Variants in DISC1 observed in about 807,000 individuals in gnomAD.
DISC1 encodes the protein DISC1 scaffold protein, also known as disrupted in schizophrenia 1 protein.
Under a neutral mutation model 84.5 loss-of-function variants are expected in DISC1, and 57 were observed. That is an observed-to-expected ratio of 0.67 (90% CI 0.55 to 0.84). DISC1 has a LOEUF of 0.84. Ranked by LOEUF, DISC1 falls within the 40% of genes least tolerant of loss-of-function variation. DISC1 has a pLI of 0.00. For synonymous variants in DISC1, 411 were observed against 415.2 expected (o/e 0.99, Z 0.12); for missense variants, 1,000 against 1,057.8 (o/e 0.95, Z 0.76).
intron 3 of DISC1, among the ~76,000 whole-genome samples, chr1:231,741,923 C>G (rs558547272): frequency 6.6e-6 from 1 of 152,164 alleles, no homozygotes; most frequent in Non-Finnish European, 1.5e-5. Context: ...CATCAATGAC[C>G]CTGTGACTGG....
At chr1:231,846,668 C>A (rs2083469448) in intron 9 of DISC1, among the ~76,000 whole-genome samples, 2 of 152,176 alleles carry the variant, frequency 1.3e-5, no homozygotes, top group Non-Finnish European at 2.9e-5. Flanking sequence ...AAAGACAGTG[C>A]ATCTTAGAAT....
intron 9 of DISC1, chr1:231,819,238 A>C: frequency 1.3e-6 from 1 of 754,064 alleles, no homozygotes; most frequent in Non-Finnish European, 1.6e-6. Context: ...ATAAATGGCT[A>C]TATTTTACAA....
At chr1:231,783,149 T>C (rs1226820221) in intron 6 of DISC1, among the ~76,000 whole-genome samples, 2 of 152,116 alleles carry the variant, frequency 1.3e-5, no homozygotes, top group Non-Finnish European at 1.5e-5. Flanking sequence ...CAAATTGTTG[T>C]ATTTAATGGG....
At chr1:231,853,488 T>C in intron 9 of DISC1, among the ~76,000 whole-genome samples, 1 of 152,198 alleles carries the variant, frequency 6.6e-6, no homozygotes, top group East Asian at 1.9e-4. Flanking sequence ...TGAACATATC[T>C]AAACAGAAAA....
intron 3 of DISC1, among the ~76,000 whole-genome samples, chr1:231,713,473 T>C (rs2068142510): frequency 6.6e-6 from 1 of 151,878 alleles, no homozygotes; most frequent in Admixed American, 6.6e-5. Context: ...TTATAAAAAT[T>C]GATCAAACAG....
intron 10 of DISC1, among the ~76,000 whole-genome samples, chr1:231,982,215 C>T (rs762728815): frequency 3.3e-5 from 5 of 152,028 alleles, no homozygotes; most frequent in Admixed American, 6.6e-5. Context: ...GGATTTTAAG[C>T]GTCGGTGATT....
intron 9 of DISC1, among the ~76,000 whole-genome samples, chr1:231,849,318 C>T (rs2083699930): frequency 6.6e-6 from 1 of 152,138 alleles, no homozygotes; most frequent in South Asian, 2.1e-4. Flanking sequence ...CGGGGTTTCT[C>T]CCTGTTGGTC....
intron 3 of DISC1, among the ~76,000 whole-genome samples, chr1:231,730,965 G>A (rs1402181517): frequency 1.3e-5 from 2 of 151,840 alleles, no homozygotes; most frequent in Non-Finnish European, 2.9e-5. Context: ...CTCTTTCAGA[G>A]TTTACATATT....
intron 9 of DISC1, among the ~76,000 whole-genome samples, chr1:231,865,638 T>C (rs1220617652): frequency 6.6e-6 from 1 of 152,234 alleles, no homozygotes; most frequent in African/African-American, 2.4e-5. Flanking sequence ...TGGCAACCTC[T>C]GTTATACTTT....
At chr1:231,718,195 T>G (rs1486156674) in intron 3 of DISC1, among the ~76,000 whole-genome samples, 1 of 152,200 alleles carries the variant, frequency 6.6e-6, no homozygotes, top group Admixed American at 6.5e-5. Flanking sequence ...TTCATCCCCC[T>G]CCAAAGCATC....
intron 9 of DISC1, among the ~76,000 whole-genome samples, chr1:231,884,446 G>T (rs1574400399): frequency 6.6e-6 from 1 of 152,112 alleles, no homozygotes; most frequent in East Asian, 1.9e-4. Context: ...TTTTGTGGCT[G>T]TGTAGTATAC....
intron 1 of DISC1, among the ~76,000 whole-genome samples, chr1:231,646,904 C>T (rs823158): frequency 0.46 from 70,404 of 151,664 alleles, 16,912 homozygotes; most frequent in East Asian, 0.82. Flanking sequence ...TTTTGATGGG[C>T]TTGTTTATTT....
chr1:231,952,105 AAAAAAAAAG>A (rs1181872711), intron 9 of DISC1, among the ~76,000 whole-genome samples: 1 of 150,616 alleles, frequency 6.6e-6, no homozygotes, highest in Non-Finnish European at 1.5e-5. Context: ...AAAAAAAAAA[AAAAAAAAAG>A]AAAAGAAAAG....
At chr1:231,885,409 T>G (rs1159635400) in intron 9 of DISC1, among the ~76,000 whole-genome samples, 1 of 151,852 alleles carries the variant, frequency 6.6e-6, no homozygotes, top group South Asian at 2.1e-4. Context: ...GAGATAAGAG[T>G]GAGGGAAGGA....
At chr1:231,711,351 A>G (rs1364912770) in intron 3 of DISC1, among the ~76,000 whole-genome samples, 4 of 147,488 alleles carry the variant, frequency 2.7e-5, no homozygotes, top group Admixed American at 2.0e-4. Context: ...GTATGAGGAC[A>G]TATTTCTTTT....
intron 9 of DISC1, among the ~76,000 whole-genome samples, chr1:231,923,306 C>CAAAAAAAAAA (rs1558738260): frequency 2.3e-4 from 25 of 109,278 alleles, no homozygotes; most frequent in Non-Finnish European, 4.1e-4. Context: ...ACAAAAAAAA[C>CAAAAAAAAAA]CAAAAAAAAA....
chr1:231,792,356 C>T (rs756889902), intron 6 of DISC1, among the ~76,000 whole-genome samples: 1 of 152,050 alleles, frequency 6.6e-6, no homozygotes, highest in Non-Finnish European at 1.5e-5. Context: ...GGTGCTTGAC[C>T]TCCTTTTTTG....
At chr1:231,843,529 G>A (rs2083234813) in intron 9 of DISC1, among the ~76,000 whole-genome samples, 1 of 152,196 alleles carries the variant, frequency 6.6e-6, no homozygotes, top group African/African-American at 2.4e-5. Context: ...GGGCACGAGG[G>A]CCATCCCCCT....
chr1:231,874,462 A>G (rs2085712164), intron 9 of DISC1, among the ~76,000 whole-genome samples: 1 of 152,016 alleles, frequency 6.6e-6, no homozygotes, highest in African/African-American at 2.4e-5. Flanking sequence ...CCCAGCCAAT[A>G]TTCTTAAATA....
Sources: gnomAD v4.1 joint callset for allele counts (sites outside exome capture counted in the v4.1 genomes callset) on GRCh38, gnomAD v4.1.1 for gene constraint, MANE v1.5 for transcripts, NCBI Gene and HGNC (gene_info 2026-07-23, HGNC 2026-07-21) for gene names.